Variants in ACSL4 observed in about 807,000 individuals in gnomAD.
ACSL4 encodes acyl-CoA synthetase long chain family member 4, also known as long-chain-fatty-acid--CoA ligase 4.
Under a neutral mutation model 49.1 loss-of-function variants are expected in ACSL4, and 9 were observed. That is an observed-to-expected ratio of 0.18 (90% CI 0.11 to 0.32). The LOEUF is 0.32. Ranked by LOEUF, ACSL4 falls within the 10% of genes least tolerant of loss-of-function variation. The pLI is 1.00. For missense variants in ACSL4, 333 were observed against 493.7 expected (o/e 0.67, Z 3.08); for synonymous variants, 191 against 170.3 (o/e 1.12, Z -0.95).
intron 2 of ACSL4, chrX:109,683,715 AAAAAACAAAAAAC>A (rs1329026849): frequency 8.9e-6 from 3 of 338,918 alleles, no homozygotes; most frequent in Non-Finnish European, 1.5e-5. Context: ...AAATAAAAAC[AAAAAACAAAAAAC>A]AAAAACAAAA....
intron 1 of ACSL4, among the ~76,000 whole-genome samples, chrX:109,722,492 C>T (rs1287539202): frequency 8.9e-6 from 1 of 111,884 alleles, no homozygotes; most frequent in African/African-American, 3.2e-5. Context: ...CATTCAGGTT[C>T]AGTGTTTAAT....
chrX:109,645,220 G>A (rs1158090242), intron 15 of ACSL4, among the ~76,000 whole-genome samples: 1 of 113,058 alleles, frequency 8.8e-6, no homozygotes, highest in Non-Finnish European at 1.9e-5. Context: ...CTGGGGGCAG[G>A]GCACAGACAA....
At chrX:109,718,668 T>C (rs5943423) in intron 1 of ACSL4, among the ~76,000 whole-genome samples, 46,109 of 106,814 alleles carry the variant, frequency 0.43, 8,319 homozygotes, top group Middle Eastern at 0.6. Flanking sequence ...GTGGGAGGAT[T>C]GCTTGAGCCC....
chrX:109,673,520 C>T (rs185868507), intron 9 of ACSL4, among the ~76,000 whole-genome samples: 1 of 112,268 alleles, frequency 8.9e-6, no homozygotes, highest in Non-Finnish European at 1.9e-5. Flanking sequence ...TTATGAATTA[C>T]ACAGAACCTC....
At chrX:109,678,461 T>C (rs1923910714) in intron 6 of ACSL4, 46 bp from the exon 7 acceptor site, 1 of 1,162,962 alleles carries the variant, frequency 8.6e-7, no homozygotes, top group Non-Finnish European at 1.2e-6. Context: ...AGTTCAAAAG[T>C]TAAATTACTA....
intron 9 of ACSL4, among the ~76,000 whole-genome samples, chrX:109,669,615 G>A (rs1295710188): frequency 1.8e-5 from 2 of 111,401 alleles, no homozygotes; most frequent in East Asian, 2.8e-4. Flanking sequence ...GGCTGGTGTC[G>A]AACTCCTGAC....
intron 6 of ACSL4, among the ~76,000 whole-genome samples, chrX:109,680,102 A>C (rs191924378): frequency 9.0e-4 from 101 of 111,900 alleles, no homozygotes; most frequent in South Asian, 1.1e-3. Context: ...CTTTAAGCTC[A>C]GAGTTCCTCT....
rs1249701537 is a variant in ACSL4, at chrX:109,644,600, T to C, written c.1856-414A>G. On this transcript the variant is annotated intron_variant, in intron 15 of 15. Transcript: ENST00000672401. The stretch of plus-strand genomic sequence containing the variant: ...AGTTGTGTGTCACTTCCATACTTTA[T>C]CCATATGTCTGCTCAAATACCACCA... Among the ~76,000 whole-genome samples, 4 of 112,334 alleles carry C rather than the reference T, an allele frequency of 3.6e-5. No individual in the cohort carries two copies. In the Admixed American group the frequency reaches 3.8e-4, roughly 11 times the overall value.
intron 1 of ACSL4, among the ~76,000 whole-genome samples, chrX:109,726,879 TG>T (rs1204457153): frequency 9.3e-6 from 1 of 107,714 alleles, no homozygotes; most frequent in Non-Finnish European, 1.9e-5. Context: ...GTTGTTGTTT[TG>T]TTTTTTTTGT....
chrX:109,660,420 T>C lies in ACSL4; in HGVS notation c.1698-909A>G, dbSNP rs189926280. On this transcript the variant is annotated intron_variant, in intron 14 of 15. Coordinates refer to ENST00000672401, the MANE Select transcript of ACSL4 (RefSeq NM_001318510.2). ...CTCACATCCATGAGGATGACTACTA[T>C]ATAAAACAAACAAGTGCTAGTGAAG... Among the ~76,000 whole-genome samples the C allele has an allele frequency of 2.2e-3, 247 of 111,814 alleles. 1 individual carries two copies. The highest frequency in any genetic ancestry group is 9.2e-3 in the Middle Eastern group (2 of 217).
At chrX:109,678,154 G>T in intron 7 of ACSL4, 43 bp from the exon 8 acceptor site, 1 of 1,206,895 alleles carries the variant, frequency 8.3e-7, no homozygotes, top group Non-Finnish European at 1.1e-6. Context: ...TCTTGAAAAG[G>T]CATTTGAAGT....
At chrX:109,669,245 G>T in intron 9 of ACSL4, 72 bp from the exon 10 acceptor site, 2 of 831,938 alleles carry the variant, frequency 2.4e-6, no homozygotes, top group Non-Finnish European at 3.5e-6. Context: ...TACCTTACTT[G>T]CAACATCTTG....
intron 15 of ACSL4, among the ~76,000 whole-genome samples, chrX:109,657,877 C>G (rs1212669185): frequency 9.0e-6 from 1 of 111,564 alleles, no homozygotes; most frequent in African/African-American, 3.3e-5. Context: ...TCTCCAGCAC[C>G]TGTTGTTCCC....
At chrX:109,662,979 G>C (rs1922302057) in intron 13 of ACSL4, among the ~76,000 whole-genome samples, 1 of 111,411 alleles carries the variant, frequency 9.0e-6, no homozygotes, top group African/African-American at 3.3e-5. Context: ...TAAGGTTCAG[G>C]CTCTGTTTAG....
intron 2 of ACSL4, among the ~76,000 whole-genome samples, chrX:109,690,605 G>A (rs1448881513): frequency 1.8e-5 from 2 of 110,741 alleles, no homozygotes; most frequent in Non-Finnish European, 3.8e-5. Context: ...GAACCAGGTC[G>A]CTTTGATTTT....
intron 15 of ACSL4, among the ~76,000 whole-genome samples, chrX:109,646,854 A>T (rs1172096057): frequency 1.8e-5 from 2 of 111,217 alleles, no homozygotes; most frequent in East Asian, 5.6e-4. Context: ...AAAACAAAAA[A>T]AAGGCAGGGG....
intron 8 of ACSL4, among the ~76,000 whole-genome samples, chrX:109,674,853 TTTGA>T (rs1385694959): frequency 4.4e-5 from 5 of 112,412 alleles, no homozygotes; most frequent in Non-Finnish European, 9.4e-5. Context: ...TTTAACTTTC[TTTGA>T]TTAACAATAG....
chrX:109,712,328 G>A (rs1369901594), intron 1 of ACSL4, among the ~76,000 whole-genome samples: 1 of 111,397 alleles, frequency 9.0e-6, no homozygotes, highest in Non-Finnish European at 1.9e-5. Context: ...CAAAACTTCT[G>A]GGCTCAAGCG....
chrX:109,725,873 C>T (rs183445437), intron 1 of ACSL4, among the ~76,000 whole-genome samples: 5 of 111,453 alleles, frequency 4.5e-5, no homozygotes, highest in Non-Finnish European at 7.5e-5. Flanking sequence ...ATTAACTCTT[C>T]TCAAAACAAT....
Sources: gnomAD v4.1 joint callset for allele counts (sites outside exome capture counted in the v4.1 genomes callset) on GRCh38, gnomAD v4.1.1 for gene constraint, MANE v1.5 for transcripts, NCBI Gene and HGNC (gene_info 2026-07-23, HGNC 2026-07-21) for gene names.